The following HTR3D variants were observed in gnomAD, a reference collection of about 807,000 sequenced individuals.
HTR3D encodes the protein 5-hydroxytryptamine (serotonin) receptor 3 family member D.
Under a neutral mutation model 45.8 loss-of-function variants are expected in HTR3D, and 47 were observed. That is an observed-to-expected ratio of 1.03 (90% confidence interval 0.81 to 1.31). The LOEUF is 1.31. Ranked by LOEUF, HTR3D falls within the 50% of genes most tolerant of loss-of-function variation. The pLI is 0.00. For synonymous variants in HTR3D, 203 were observed against 199.8 expected, an observed-to-expected ratio of 1.02 and a Z score of -0.13; for missense variants, 448 against 506.9, an observed-to-expected ratio of 0.88 and a Z score of 1.12.
chr3:184,033,535 G>A (rs73048502), intron 1 of HTR3D, among the ~76,000 whole-genome samples: 2,183 of 152,290 alleles, frequency 0.014, 55 homozygotes, highest in African/African-American at 0.042. Flanking sequence ...ACAAGAAAAG[G>A]TGTATGTTCA....
At chr3:184,035,939 C>T (rs1330701516) in intron 2 of HTR3D, 76 bp from the exon 3 acceptor site, 26 of 1,442,188 alleles carry the variant, frequency 1.8e-5, no homozygotes, top group Middle Eastern at 1.8e-4. Flanking sequence ...GTGATCCCCC[C>T]GCCTCAGCCT....
In HTR3D at chr3:184,038,843, C is replaced by T. The variant is rs550781623; in HGVS notation, c.1083C>T (p.His361=). ...GSEWTRAQRE[H]EAQKQHSVEL... is the part of the protein sequence containing the mutation. ...AATGGACAAGGGCCCAGCGGGAACA[C>T]GAGGCCCAGAAGCAGCACTCGGTGG... The change falls in exon 8 of 8, where the codon CAC becomes CAT. Residue 361 remains histidine, a synonymous_variant. Transcript: ENST00000428798. This position sits in a 1 kb window ranked among gnomAD's most constrained non-coding sequence, Gnocchi z 4.5. 1.2e-5 allele frequency: 20 copies of T among 1,614,164 alleles called. No homozygotes were observed. In the African/African-American group the frequency reaches 1.6e-4, roughly 13 times the overall value.
At chr3:184,034,174 A>G (rs150778740) in intron 1 of HTR3D, among the ~76,000 whole-genome samples, 79 of 151,822 alleles carry the variant, frequency 5.2e-4, no homozygotes, top group African/African-American at 1.9e-3. Flanking sequence ...ATTACTCACA[A>G]TAGTTAAAAC....
In HTR3D at chr3:184,036,479, C is replaced by CT; in HGVS notation, c.304dup (p.Ser102PhefsTer10). ...TGGTCAGCATCTGCAAACTGGACACCTTCTATTTCCCCTTCCATGGACAGA... is the reference window on the plus strand; with the variant it reads ...TGGTCAGCATCTGCAAACTGGACACCTTTCTATTTCCCCTTCCATGGACAGA... On this transcript the variant is annotated frameshift_variant, in exon 4 of 8. Transcript: ENST00000428798. LOFTEE classifies it high-confidence loss of function. The CT allele has an allele frequency of 6.2e-7, 1 of 1,614,228 alleles. No homozygotes were observed.
chr3:184,038,111 T>C lies in HTR3D; in HGVS notation c.607T>C (p.Phe203Leu). The change falls in exon 6 of 8, where the codon TTC becomes CTC. Residue 203 changes from phenylalanine (F) to leucine (L), a missense_variant. Physicochemically the swap from Phe to Leu is conservative, Grantham distance 22. Transcript: ENST00000428798. The surrounding 1 kb of genome is among the most constrained non-coding windows in gnomAD (Gnocchi z 4.5). ...TCTGATTGCCATCGATGCCCTCAGT[T>C]TCTACCTGCCACTGGAAAGTGGGAA... ...GILIAIDALS[F>L]YLPLESGNCA... 6.2e-7 allele frequency: 1 copy of C among 1,614,114 alleles called. No homozygotes were observed. The highest frequency in any genetic ancestry group is 8.5e-7 in the Non-Finnish European group (1 of 1,179,996).
rs377232617 is a variant in HTR3D at position 184,038,952 on chromosome 3, G to A, written c.1192G>A (p.Val398Ile). Reference protein sequence around the residue: ...LLFMASSIITVICLWNT With the variant: ...LLFMASSIITIICLWNT ...CTTCATGGCCTCCTCCATCATCACC[G>A]TCATATGCCTCTGGAACACCTAGGC... The change falls in exon 8 of 8, where the codon GTC becomes ATC. Residue 398 changes from valine to isoleucine, a missense_variant. By Grantham distance (29) the Val-to-Ile change is conservative (BLOSUM62 3). Transcript: ENST00000428798. The surrounding 1 kb of genome is among the most constrained non-coding windows in gnomAD (Gnocchi z 4.5). 1.6e-4 allele frequency: 256 copies of A among 1,614,164 alleles called. No homozygotes were observed. In the South Asian group the frequency reaches 1.9e-3, roughly 12 times the overall value.
intron 1 of HTR3D, among the ~76,000 whole-genome samples, chr3:184,034,048 G>A (rs1722818210): frequency 1.3e-5 from 2 of 152,154 alleles, no homozygotes; most frequent in Admixed American, 1.3e-4. Flanking sequence ...AAAACAGTAT[G>A]GCTTTTTCTC....
chr3:184,038,287 G>A lies in HTR3D; in HGVS notation c.769+14G>A, dbSNP rs1355973540. On this transcript the variant is annotated intron_variant, in intron 6 of 7. Coordinates refer to ENST00000428798, the MANE Select transcript of HTR3D (RefSeq NM_001145143.1). This position sits in a 1 kb window ranked among gnomAD's most constrained non-coding sequence, Gnocchi z 4.5. ...ACCAAAAGCGAGGTGTGTGTTGGATGGGGAGAGGGATGGGCAGAACCAGGC... is the reference window on the plus strand; with the variant it reads ...ACCAAAAGCGAGGTGTGTGTTGGATAGGGAGAGGGATGGGCAGAACCAGGC... The A allele has an allele frequency of 6.2e-7, 1 of 1,613,386 alleles. No homozygotes were observed. Among genetic ancestry groups the A allele is most frequent in the Non-Finnish European group, 8.5e-7 (1 of 1,179,398 alleles).
intron 1 of HTR3D, chr3:184,033,033 C>T (rs867185274): frequency 1.3e-6 from 2 of 1,551,884 alleles, no homozygotes; most frequent in Non-Finnish European, 1.7e-6. Context: ...GTCAACATCT[C>T]CTTCACCTTG....
At chr3:184,034,976 T>C in intron 1 of HTR3D, 1 of 1,211,054 alleles carries the variant, frequency 8.3e-7, no homozygotes, top group Non-Finnish European at 1.1e-6. Flanking sequence ...TCAAAACATA[T>C]TCCCAATGGA....
chr3:184,036,957 G>A (rs1722919065), intron 5 of HTR3D, 61 bp downstream of exon 5: 1 of 1,498,980 alleles, frequency 6.7e-7, no homozygotes, highest in Admixed American at 2.1e-5. Context: ...TGAACTCCTG[G>A]CTTCAGGTGA....
chr3:184,036,098 G>A lies in HTR3D; in HGVS notation c.195G>A (p.Glu65=), dbSNP rs1408172214. The change falls in exon 3 of 8, where the codon GAG becomes GAA. Residue 65 remains glutamate (E), a splice_region_variant and synonymous_variant. Coordinates refer to ENST00000428798, the MANE Select transcript of HTR3D (RefSeq NM_001145143.1). ...GGCTTTCAGATGTCTTCATCGAGGA[G>A]TCGTGAGTCTCAGGCCAAAAAAGCA... ...NLWLSDVFIE[E]SVDQTPAGLM... 1.3e-6 allele frequency: 2 copies of A among 1,550,326 alleles called. No individual in the cohort carries two copies. The highest frequency in any genetic ancestry group is 4.0e-5 in the Admixed American group (2 of 50,548).
At position 184,033,119 on chromosome 3, in the gene HTR3D, A is replaced by ATTT. The variant is rs879211143; in HGVS notation, c.66+1328_66+1330dup. 2.6e-3 allele frequency: 2,396 copies of ATTT among 907,690 alleles called. 23 individuals carry two copies. The highest frequency in any genetic ancestry group is 0.026 in the African/African-American group (1,393 of 52,992). The allele number at this position is 907,690 out of a possible 1,614,324, so 56.2% of individuals were successfully genotyped here. ...GGTGAGCAGTGGACCCTCTGACTGG[A>ATTT]TTTTTTTTTTTTTTTTTTGAGATGG... On this transcript the variant is annotated intron_variant, in intron 1 of 7. Transcript: ENST00000428798.
intron 5 of HTR3D, among the ~76,000 whole-genome samples, 167 bp downstream of exon 5, chr3:184,037,063 G>C (rs1056851736): frequency 7.5e-5 from 11 of 147,002 alleles, no homozygotes; most frequent in African/African-American, 2.6e-4. Context: ...ATTTGAGATA[G>C]AGTTTTGTTC....
At chr3:184,032,844 C>T in intron 1 of HTR3D, 1 of 1,551,692 alleles carries the variant, frequency 6.4e-7, no homozygotes, top group Non-Finnish European at 8.7e-7. Context: ...CAGAAACACT[C>T]TCCAGGCCCC....
chr3:184,035,051 T>A, intron 1 of HTR3D, 127 bp from the exon 2 acceptor site: 1 of 1,510,862 alleles, frequency 6.6e-7, no homozygotes, highest in South Asian at 1.3e-5. Flanking sequence ...CTACATCATT[T>A]TTCAGTGGCT....
Position 184,036,532 on chromosome 3 carries a change from C to T in HTR3D, c.355C>T (p.Pro119Ser), listed in dbSNP as rs1366935835. The change falls in exon 4 of 8, where the codon CCT (proline) becomes TCT (serine). Residue 119 changes from proline to serine, a missense_variant. Pro to Ser is a moderately conservative substitution (Grantham distance 74). Transcript: ENST00000428798. ...RGERSPSALS[P>S]TQVTRAWRRM... Reference sequence around the variant, plus strand: ...TGAACGCTCTCCTTCAGCCCTTTCACCTACACAGGTAAGTGGGGCTCACTA... The same window carrying T: ...TGAACGCTCTCCTTCAGCCCTTTCATCTACACAGGTAAGTGGGGCTCACTA... The T allele has an allele frequency of 6.2e-7, 1 of 1,614,074 alleles. No homozygotes were observed. Among genetic ancestry groups the T allele is most frequent in the Non-Finnish European group, 8.5e-7 (1 of 1,180,042 alleles).
At chr3:184,031,718 C>T (rs1161503004), upstream of HTR3D, 1 of 1,533,262 alleles carries the variant, frequency 6.5e-7, no homozygotes, top group African/African-American at 1.4e-5. Flanking sequence ...ATCAAGTACC[C>T]AGAGAAGTGC....
At position 184,038,190 on chromosome 3, in the gene HTR3D, T is replaced by A. The variant is rs1654605135; in HGVS notation, c.686T>A (p.Met229Lys). 2 of 1,614,198 alleles carry A rather than the reference T, an allele frequency of 1.2e-6. No individual in the cohort carries two copies. Among genetic ancestry groups the A allele is most frequent in the Middle Eastern group, 3.3e-4 (2 of 6,062 alleles). The change falls in exon 6 of 8, where the codon ATG becomes AAG. Residue 229 changes from methionine (M) to lysine (K), a missense_variant. Transcript: ENST00000428798. This position sits in a 1 kb window ranked among gnomAD's most constrained non-coding sequence, Gnocchi z 4.5. ...CTGGGCTACAGCGTCTTCCTGCTCA[T>A]GATGAATGACTTGCTCCCAGCCACT... ...VLLGYSVFLL[M>K]MNDLLPATST...
Sources: allele counts gnomAD v4.1 joint callset (sites outside exome capture counted in the v4.1 genomes callset), GRCh38; gene constraint gnomAD v4.1.1; non-coding constraint Gnocchi (gnomAD v3.1); transcripts MANE v1.5; gene names NCBI Gene and HGNC (gene_info 2026-07-23, HGNC 2026-07-21).